RBFOX1: variants seen among roughly 807,000 people sequenced by gnomAD.
The protein encoded by RBFOX1 is RNA binding fox-1 homolog 1, also known as RNA binding protein fox-1 homolog 1.
Under a neutral mutation model 57.7 loss-of-function variants are expected in RBFOX1, and 8 were observed. The observed-to-expected ratio is 0.14, with a 90% CI of 0.08 to 0.25. RBFOX1 has a LOEUF of 0.25. Among genes scored for constraint, RBFOX1 ranks in the 10% least tolerant of loss-of-function variants. The pLI is 1.00. For missense variants in RBFOX1, 611 were observed against 548.5 expected (o/e 1.11, Z -1.14); for synonymous variants, 326 against 222.4 (o/e 1.47, Z -4.15).
chr16:5,868,186 T>C (rs9937913), intron 4 of RBFOX1, among the ~76,000 whole-genome samples: 71,233 of 151,954 alleles, frequency 0.47, 16,816 homozygotes, highest in African/African-American at 0.51. Context: ...CCCAGCACGA[T>C]AGAGCCGGTC....
At chr16:5,247,356 C>T (rs151171092) in intron 1 of RBFOX1, among the ~76,000 whole-genome samples, 1 of 152,146 alleles carries the variant, frequency 6.6e-6, no homozygotes, top group African/African-American at 2.4e-5. Flanking sequence ...AGAATCCAGC[C>T]TTGGTGGAGA....
At chr16:7,558,417 ATATG>A (rs1014357651) in intron 5 of RBFOX1, among the ~76,000 whole-genome samples, 5 of 152,112 alleles carry the variant, frequency 3.3e-5, no homozygotes, top group African/African-American at 1.2e-4. Flanking sequence ...TTTATGCTAT[ATATG>A]TATAATTATA....
chr16:6,648,616 T>C (rs549060213), intron 2 of RBFOX1, among the ~76,000 whole-genome samples: 1 of 152,144 alleles, frequency 6.6e-6, no homozygotes, highest in South Asian at 2.1e-4. Flanking sequence ...CTTGGTAGCA[T>C]GCATCGACGG....
intron 1 of RBFOX1, among the ~76,000 whole-genome samples, chr16:6,210,707 A>G (rs554607389): frequency 3.3e-5 from 5 of 152,280 alleles, no homozygotes; most frequent in South Asian, 2.1e-4. Flanking sequence ...CCTGGGTGAC[A>G]CAGTGAGACT....
At chr16:6,828,443 G>C (rs888617556) in intron 3 of RBFOX1, among the ~76,000 whole-genome samples, 1 of 151,838 alleles carries the variant, frequency 6.6e-6, no homozygotes, top group Non-Finnish European at 1.5e-5. Context: ...AGAATCACTT[G>C]AACCCAGGAG....
At chr16:7,054,988 G>C (rs529473610) in intron 4 of RBFOX1, among the ~76,000 whole-genome samples, 1 of 152,256 alleles carries the variant, frequency 6.6e-6, no homozygotes, top group Admixed American at 6.5e-5. Flanking sequence ...CCAATACTTG[G>C]TGTTAGGATC....
Position 6,884,067 on chromosome 16 carries a change from G to A in RBFOX1, c.-15-167990G>A, listed in dbSNP as rs571535670. ...TCCTGTTAAGCATCCACTGCAGAGC[G>A]GTGGCTGCTGTGTTATGCAAGCACC... On this transcript the variant is annotated intron_variant, in intron 3 of 15. Transcript: ENST00000550418. Among the ~76,000 whole-genome samples the A allele has an allele frequency of 2.0e-4, 31 of 152,196 alleles. 1 individual carries two copies. The South Asian group carries it at 2.1e-3, about 10-fold the overall frequency.
chr16:6,070,574 A>G (rs2095823762), intron 1 of RBFOX1, among the ~76,000 whole-genome samples: 1 of 152,202 alleles, frequency 6.6e-6, no homozygotes, highest in Non-Finnish European at 1.5e-5. Context: ...GAATGATACA[A>G]AACAGCCCGA....
chr16:6,310,138 G>A (rs2152760472), intron 1 of RBFOX1, among the ~76,000 whole-genome samples: 1 of 152,220 alleles, frequency 6.6e-6, no homozygotes, highest in Non-Finnish European at 1.5e-5. Flanking sequence ...CGCCCACCTC[G>A]GCCTACGAAA....
intron 3 of RBFOX1, among the ~76,000 whole-genome samples, chr16:6,658,289 C>T (rs189904724): frequency 6.0e-4 from 91 of 151,224 alleles, no homozygotes; most frequent in Non-Finnish European, 1.0e-3. Flanking sequence ...ATCTGGATTG[C>T]AGTGGTGTGA....
intron 4 of RBFOX1, among the ~76,000 whole-genome samples, chr16:7,159,385 G>C (rs1418700424): frequency 6.6e-6 from 1 of 152,138 alleles, no homozygotes. Context: ...TGTATGTGCT[G>C]ATATTTGAAA....
chr16:5,942,021 C>G (rs1334425804), intron 4 of RBFOX1, among the ~76,000 whole-genome samples: 7 of 151,894 alleles, frequency 4.6e-5, no homozygotes, highest in Non-Finnish European at 8.8e-5. Flanking sequence ...AGAAATCAGT[C>G]ATTAGTAAGG....
At chr16:6,134,645 C>T (rs2096653135) in intron 1 of RBFOX1, among the ~76,000 whole-genome samples, 1 of 151,628 alleles carries the variant, frequency 6.6e-6, no homozygotes, top group African/African-American at 2.4e-5. Flanking sequence ...TGTCAGTGCC[C>T]CCTGTGGCCC....
chr16:6,349,791 C>G (rs1403519996), intron 2 of RBFOX1, among the ~76,000 whole-genome samples: 1 of 152,078 alleles, frequency 6.6e-6, no homozygotes, highest in African/African-American at 2.4e-5. Flanking sequence ...CCATTTTTCC[C>G]CATGGTTTTC....
At chr16:7,505,035 G>A (rs1036074970) in intron 4 of RBFOX1, among the ~76,000 whole-genome samples, 9 of 151,002 alleles carry the variant, frequency 6.0e-5, no homozygotes, top group Non-Finnish European at 1.2e-4. Context: ...GCAGGGCAAC[G>A]GTGGATGGTT....
intron 12 of RBFOX1, among the ~76,000 whole-genome samples, chr16:7,658,347 A>G (rs2066839414): frequency 6.6e-6 from 1 of 152,164 alleles, no homozygotes; most frequent in South Asian, 2.1e-4. Flanking sequence ...TGCATTGCTT[A>G]TGGAATATGT....
intron 1 of RBFOX1, among the ~76,000 whole-genome samples, chr16:5,313,339 G>T (rs1341956291): frequency 1.3e-5 from 2 of 152,096 alleles, no homozygotes; most frequent in African/African-American, 2.4e-5. Flanking sequence ...TCTAGATATG[G>T]CTTTCCCCAC....
chr16:7,709,414 C>A, intron 15 of RBFOX1: 1 of 1,292,986 alleles, frequency 7.7e-7, no homozygotes, highest in Non-Finnish European at 1.0e-6. Context: ...ATAATTAAAT[C>A]CATCACTAAC....
chr16:7,100,213 G>GACT (rs1339334457), intron 4 of RBFOX1, among the ~76,000 whole-genome samples: 2 of 152,026 alleles, frequency 1.3e-5, no homozygotes, highest in Non-Finnish European at 2.9e-5. Flanking sequence ...TTAAAGGAAT[G>GACT]ACTATTCAGT....
Sources: allele counts gnomAD v4.1 joint callset (sites outside exome capture counted in the v4.1 genomes callset), GRCh38; gene constraint gnomAD v4.1.1; transcripts MANE v1.5; gene names NCBI Gene and HGNC (gene_info 2026-07-23, HGNC 2026-07-21).